Variants in CCDC57 observed in about 807,000 individuals in gnomAD.
The protein encoded by CCDC57 is coiled-coil domain-containing protein 57.
In CCDC57, 118 loss-of-function variants were observed where a neutral mutation model predicts 118.9. The ratio of observed to expected loss-of-function variants is 0.99; its 90% CI spans 0.86 to 1.16. CCDC57 has a LOEUF of 1.16. Ranked by LOEUF, CCDC57 falls within the 50% of genes most tolerant of loss-of-function variation. The pLI is 0.00. For synonymous variants in CCDC57, 527 were observed against 532.9 expected, an observed-to-expected ratio of 0.99 and a Z score of 0.15; for missense variants, 1,300 against 1,320.7, an observed-to-expected ratio of 0.98 and a Z score of 0.24.
intron 19 of CCDC57, among the ~76,000 whole-genome samples, chr17:82,106,969 G>A (rs576756207): frequency 6.6e-6 from 1 of 152,322 alleles, no homozygotes; most frequent in East Asian, 1.9e-4. Context: ...TGTCCCCGGG[G>A]AACAGCACTG....
chr17:82,145,390 T>C (rs1004838781), intron 16 of CCDC57, among the ~76,000 whole-genome samples: 3 of 151,514 alleles, frequency 2.0e-5, no homozygotes, highest in African/African-American at 7.3e-5. Context: ...CTACTAAAAA[T>C]ACAAAAATTA....
chr17:82,116,449 C>T (rs558172200), intron 19 of CCDC57, among the ~76,000 whole-genome samples: 3 of 152,248 alleles, frequency 2.0e-5, no homozygotes, highest in East Asian at 3.9e-4. Context: ...CTCTACATGG[C>T]GGCCCTACCC....
rs1428721669 is a variant in CCDC57, at chr17:82,118,236, G to A, written c.2899+9456C>T. The stretch of plus-strand genomic sequence containing the variant: ...AGTCTGGAGGGGTGCAGGGGGACTG[G>A]GCAGTTGTGGCCTGGTGGGTAGGGA... On this transcript the variant is annotated intron_variant, in intron 19 of 19. Coordinates refer to ENST00000665763, the Ensembl canonical transcript of CCDC57. The surrounding 1 kb of genome is among the most constrained non-coding windows in gnomAD (Gnocchi z 4.7). Among the ~76,000 whole-genome samples, 1 of 152,180 alleles carries A rather than the reference G, an allele frequency of 6.6e-6. No homozygotes were observed. Among genetic ancestry groups the A allele is most frequent in the Non-Finnish European group, 1.5e-5 (1 of 68,034 alleles).
At chr17:82,161,471 A>G (rs1198200728) in intron 14 of CCDC57, among the ~76,000 whole-genome samples, 1 of 152,200 alleles carries the variant, frequency 6.6e-6, no homozygotes, top group Non-Finnish European at 1.5e-5. Flanking sequence ...TCACAGCAGC[A>G]TTATGCACAA....
chr17:82,116,500 G>C (rs574143007), intron 19 of CCDC57, among the ~76,000 whole-genome samples: 1 of 151,712 alleles, frequency 6.6e-6, no homozygotes, highest in Non-Finnish European at 1.5e-5. Context: ...CAGCACAGCC[G>C]AATTCCTCAG....
rs369907246 is a variant in CCDC57, at chr17:82,147,357, G to T, written c.2455+4203C>A. Among the ~76,000 whole-genome samples the T allele has an allele frequency of 6.4e-3, 962 of 150,726 alleles. 10 individuals carry two copies. The highest frequency in any genetic ancestry group is 0.023 in the African/African-American group (937 of 40,862). On this transcript the variant is annotated intron_variant, in intron 16 of 19. Coordinates refer to ENST00000665763, the Ensembl canonical transcript of CCDC57. Reference sequence around the variant, plus strand: ...GGATAGATGGATGGGTGGGTTGGTGGATGAGTGAGAGTGGCTAATTGGATA... The same window carrying T: ...GGATAGATGGATGGGTGGGTTGGTGTATGAGTGAGAGTGGCTAATTGGATA...
At chr17:82,107,832 A>T (rs138324111) in intron 19 of CCDC57, among the ~76,000 whole-genome samples, 20 of 152,298 alleles carry the variant, frequency 1.3e-4, no homozygotes, top group Non-Finnish European at 4.4e-5. Flanking sequence ...TGCTCTCAGC[A>T]TCCTACAGTG....
chr17:82,104,214 G>A (rs941330936), intron 19 of CCDC57, among the ~76,000 whole-genome samples: 1 of 152,222 alleles, frequency 6.6e-6, no homozygotes. Flanking sequence ...GAGCCTGGCC[G>A]GGATTTCTCT....
intron 19 of CCDC57, chr17:82,107,305 C>T (rs879061605): frequency 7.3e-6 from 3 of 413,148 alleles, no homozygotes; most frequent in Non-Finnish European, 1.5e-5. Context: ...ACACCTGCAG[C>T]AGGTTGGGGG....
intron 16 of CCDC57, among the ~76,000 whole-genome samples, chr17:82,151,324 T>C (rs1309182659): frequency 6.1e-4 from 35 of 57,540 alleles, no homozygotes; most frequent in African/African-American, 7.6e-4. Context: ...CAGAACCAGA[T>C]GCACACCCAG....
At chr17:82,180,507 G>A (rs1349179216) in intron 9 of CCDC57, among the ~76,000 whole-genome samples, 8 of 152,144 alleles carry the variant, frequency 5.3e-5, no homozygotes, top group Admixed American at 2.6e-4. Flanking sequence ...ACAGAGTCTT[G>A]CTCTGTCACC....
chr17:82,148,035 T>C (rs2041077530), intron 16 of CCDC57, among the ~76,000 whole-genome samples: 1 of 94,786 alleles, frequency 1.1e-5, no homozygotes, highest in African/African-American at 4.4e-5. Flanking sequence ...GGATGGATGG[T>C]AGATGGATGG....
chr17:82,157,302 C>T (rs888653743), intron 15 of CCDC57: 3 of 320,660 alleles, frequency 9.4e-6, no homozygotes, highest in South Asian at 7.2e-5. Flanking sequence ...TGGCTCTGAA[C>T]GCAGCAGTGA....
chr17:82,178,286 T>G (rs1039166810), intron 11 of CCDC57, among the ~76,000 whole-genome samples, 188 bp downstream of exon 10: 1 of 152,220 alleles, frequency 6.6e-6, no homozygotes, highest in African/African-American at 2.4e-5. Context: ...ATATGAAAGA[T>G]ACAAAGAAGC....
chr17:82,107,977 TG>T (rs766338941), intron 19 of CCDC57, among the ~76,000 whole-genome samples: 1 of 152,182 alleles, frequency 6.6e-6, no homozygotes, highest in Non-Finnish European at 1.5e-5. Flanking sequence ...ATGGAAGTCC[TG>T]GTCAGCAAAT....
chr17:82,108,510 G>A (rs556919087), intron 19 of CCDC57, among the ~76,000 whole-genome samples: 18 of 152,294 alleles, frequency 1.2e-4, no homozygotes, highest in African/African-American at 2.6e-4. Context: ...TCATGTTATC[G>A]CTGGCTCTGA....
chr17:82,171,754 G>A, exon 13 of CCDC57: 2 of 1,613,926 alleles, frequency 1.2e-6, no homozygotes, highest in Non-Finnish European at 1.7e-6. Flanking sequence ...ATGAGGTGAG[G>A]ACATCTTTAA....
chr17:82,189,124 C>T (rs1439690425), intron 7 of CCDC57, among the ~76,000 whole-genome samples: 1 of 151,984 alleles, frequency 6.6e-6, no homozygotes, highest in East Asian at 1.9e-4. Flanking sequence ...CAAAAATTAG[C>T]CTTTACGGTG....
At chr17:82,193,472 G>A (rs1000155045) in intron 7 of CCDC57, among the ~76,000 whole-genome samples, 2 of 152,016 alleles carry the variant, frequency 1.3e-5, no homozygotes, top group East Asian at 1.9e-4. Context: ...GTTTGAACCC[G>A]GGAGGGGAGG....
Sources: allele counts gnomAD v4.1 joint callset (sites outside exome capture counted in the v4.1 genomes callset), GRCh38; gene constraint gnomAD v4.1.1; non-coding constraint Gnocchi (gnomAD v3.1); transcripts MANE v1.5; gene names NCBI Gene and HGNC (gene_info 2026-07-23, HGNC 2026-07-21).